The following RNF130 variants were observed in gnomAD, a reference collection of about 807,000 sequenced individuals.
RNF130 encodes ring finger protein 130, also known as E3 ubiquitin-protein ligase RNF130.
Under a neutral mutation model 44.6 loss-of-function variants are expected in RNF130, and 21 were observed. The ratio of observed to expected loss-of-function variants is 0.47; its 90% CI spans 0.33 to 0.68. The LOEUF is 0.68. Among genes scored for constraint, RNF130 ranks in the 30% least tolerant of loss-of-function variants. RNF130 has a pLI of 0.02. For missense variants in RNF130, 479 were observed against 560.6 expected (o/e 0.85, Z 1.47); for synonymous variants, 214 against 210.4 (o/e 1.02, Z -0.15).
intron 1 of RNF130, among the ~76,000 whole-genome samples, chr5:180,055,440 T>TCTGTGTGTG (rs57927481): frequency 0.047 from 7,095 of 150,724 alleles, 194 homozygotes; most frequent in Middle Eastern, 0.12. Context: ...TCAGATGACT[T>TCTGTGTGTG]TGTGTGTGTG....
intron 3 of RNF130, among the ~76,000 whole-genome samples, chr5:179,991,904 G>A (rs533911008): frequency 6.6e-6 from 1 of 152,250 alleles, no homozygotes; most frequent in East Asian, 1.9e-4. Context: ...AGATTCTCAT[G>A]AGGAGCACTC....
At chr5:180,002,870 G>A (rs1381080285) in intron 3 of RNF130, among the ~76,000 whole-genome samples, 1 of 152,102 alleles carries the variant, frequency 6.6e-6, no homozygotes, top group East Asian at 1.9e-4. Flanking sequence ...AGGAGGACAA[G>A]TTCTAAGGAT....
At chr5:180,033,646 A>C (rs907235656) in intron 2 of RNF130, among the ~76,000 whole-genome samples, 16 of 152,110 alleles carry the variant, frequency 1.1e-4, no homozygotes, top group Non-Finnish European at 1.5e-4. Context: ...CAGTGAGCCA[A>C]GGTCGTACCA....
chr5:179,976,669 C>A (rs954992189), intron 5 of RNF130: 3 of 151,128 alleles, frequency 2.0e-5, no homozygotes, highest in African/African-American at 7.3e-5. Flanking sequence ...TGTTTCAGTA[C>A]ATGTAATTCT....
At chr5:179,965,194 A>G (rs548886670) in intron 7 of RNF130, among the ~76,000 whole-genome samples, 1 of 152,274 alleles carries the variant, frequency 6.6e-6, no homozygotes, top group Admixed American at 6.5e-5. Context: ...CACCATCATA[A>G]AACACCCAAT....
At chr5:180,044,827 G>A (rs373222200) in intron 1 of RNF130, among the ~76,000 whole-genome samples, 3 of 150,246 alleles carry the variant, frequency 2.0e-5, no homozygotes, top group African/African-American at 7.4e-5. Context: ...AGTAGACTCC[G>A]TCTCAAAAAA....
At chr5:179,933,748 C>T in intron 7 of RNF130, 1 of 426,110 alleles carries the variant, frequency 2.3e-6, no homozygotes, top group Non-Finnish European at 4.3e-6. Flanking sequence ...GTCTCGAACT[C>T]TTAGGCGCAA....
At chr5:179,988,868 C>A (rs1056523588) in intron 3 of RNF130, among the ~76,000 whole-genome samples, 1 of 152,162 alleles carries the variant, frequency 6.6e-6, no homozygotes, top group African/African-American at 2.4e-5. Flanking sequence ...CAATTTGATA[C>A]AGTGTTCTGT....
chr5:179,985,872 T>C (rs989038350), intron 3 of RNF130, among the ~76,000 whole-genome samples: 4 of 152,182 alleles, frequency 2.6e-5, no homozygotes, highest in Non-Finnish European at 5.9e-5. Flanking sequence ...TAAAAATCCG[T>C]TCACAAAAAT....
intron 7 of RNF130, among the ~76,000 whole-genome samples, chr5:179,940,853 T>G (rs908882626): frequency 5.9e-5 from 9 of 152,174 alleles, no homozygotes; most frequent in African/African-American, 2.2e-4. Context: ...ATTAATTTTT[T>G]CATCATCTAA....
At chr5:180,064,435 G>A (rs1765052267) in intron 1 of RNF130, among the ~76,000 whole-genome samples, 1 of 152,126 alleles carries the variant, frequency 6.6e-6, no homozygotes, top group South Asian at 2.1e-4. Context: ...AGTCCCCAGA[G>A]GCAACCACTT....
At chr5:180,040,671 C>A in intron 1 of RNF130, 24 bp from the exon 2 acceptor site, 1 of 1,596,204 alleles carries the variant, frequency 6.3e-7, no homozygotes, top group Non-Finnish European at 8.6e-7. Context: ...GAAATACACA[C>A]ATTAAAGATA....
chr5:179,979,836 T>C (rs889910442), intron 4 of RNF130, among the ~76,000 whole-genome samples: 1 of 152,102 alleles, frequency 6.6e-6, no homozygotes, highest in African/African-American at 2.4e-5. Flanking sequence ...AAAAGAGACA[T>C]AGCAAAGTCC....
At chr5:179,920,799 T>A (rs1378123015) in intron 7 of RNF130, among the ~76,000 whole-genome samples, 4,019 of 147,716 alleles carry the variant, frequency 0.027, 206 homozygotes, top group African/African-American at 0.093. Context: ...ATATATATTT[T>A]TTTTTTTGAG....
Position 179,980,538 on chromosome 5 carries a change from G to C in RNF130, c.694-338C>G, listed in dbSNP as rs935489751. 5 of 271,770 alleles carry C rather than the reference G, an allele frequency of 1.8e-5. No individual in the cohort carries two copies. The Admixed American group carries it at 2.3e-4, about 13-fold the overall frequency. 16.8% of individuals were successfully genotyped at this position (271,770 alleles called of 1,614,324 possible). On this transcript the variant is annotated intron_variant, in intron 3 of 8. Transcript: ENST00000521389. ...CACAGCACTATCAAACCTACTTCTT[G>C]CACACTCCAGAGCCACTCCTGCTGC...
intron 2 of RNF130, among the ~76,000 whole-genome samples, chr5:180,028,688 C>T (rs2113118413): frequency 6.6e-6 from 1 of 152,272 alleles, no homozygotes; most frequent in East Asian, 1.9e-4. Flanking sequence ...TCCCGGCAAA[C>T]ACTCACTCGT....
intron 6 of RNF130, 138 bp downstream of exon 6, chr5:179,970,271 AC>A (rs138462336): frequency 2.3e-4 from 131 of 582,082 alleles, no homozygotes; most frequent in African/African-American, 2.2e-3. Context: ...TGTTGGGCTT[AC>A]ATGGTTACAT....
chr5:179,993,293 CACCACACTGTCTTCCACA>C (rs1487938035), intron 3 of RNF130, among the ~76,000 whole-genome samples: 1 of 152,222 alleles, frequency 6.6e-6, no homozygotes, highest in Non-Finnish European at 1.5e-5. Context: ...CTTGAGGAAT[CACCACACTGTCTTCCACA>C]ATGGTTGAAC....
chr5:179,926,353 A>G (rs1439946282), intron 7 of RNF130, among the ~76,000 whole-genome samples: 1 of 152,120 alleles, frequency 6.6e-6, no homozygotes, highest in Non-Finnish European at 1.5e-5. Context: ...TATCCTTCAT[A>G]ATAAATCTCA....
Sources: gnomAD v4.1 joint callset for allele counts (sites outside exome capture counted in the v4.1 genomes callset) on GRCh38, gnomAD v4.1.1 for gene constraint, MANE v1.5 for transcripts, NCBI Gene and HGNC (gene_info 2026-07-23, HGNC 2026-07-21) for gene names.